Variants in HMCES observed in about 807,000 individuals in gnomAD.
HMCES encodes the protein 5-hydroxymethylcytosine binding, ES cell specific, also known as abasic site processing protein HMCES.
Under a neutral mutation model 35.1 loss-of-function variants are expected in HMCES, and 27 were observed. That is an observed-to-expected ratio of 0.77 (90% CI 0.57 to 1.06). The LOEUF (loss-of-function observed/expected upper bound fraction) is 1.06. Among genes scored for constraint, HMCES ranks in the 50% least tolerant of loss-of-function variants. HMCES has a pLI of 0.00. For synonymous variants in HMCES, 130 were observed against 154.7 expected (o/e 0.84, Z 1.18); for missense variants, 391 against 430.4 (o/e 0.91, Z 0.81).
chr3:129,290,779 A>G lies in HMCES; in HGVS notation c.428A>G (p.Tyr143Cys), dbSNP rs142370950. 350 of 1,613,218 alleles carry G rather than the reference A, an allele frequency of 2.2e-4. No individual in the cohort carries two copies. Among genetic ancestry groups the G allele is most frequent in the Non-Finnish European group, 2.6e-4 (311 of 1,179,446 alleles). ...AACCAGAGGCAGCCATACTTCATCT[A>G]TTTTCCTCAAATCAAGACAGAGAAG... The part of the protein sequence containing the change: ...GTNQRQPYFI[Y>C]FPQIKTEKSG... Residue 143 changes from tyrosine to cysteine, a missense_variant, in exon 4 of 7, where the codon TAT (tyrosine) becomes TGT (cysteine). Tyr to Cys is a radical substitution (Grantham distance 194). Coordinates refer to ENST00000383463, the MANE Select transcript of HMCES (RefSeq NM_020187.3).
chr3:129,298,464 A>T lies in HMCES; in HGVS notation c.564A>T (p.Gly188=), dbSNP rs146116326. The change falls in exon 5 of 7, where the codon GGA becomes GGT. Residue 188 remains glycine (G), a synonymous_variant. Transcript: ENST00000383463. ...TTGACTGCTGGGAGCCCCCAGAGGG[A>T]GGAGATGTCCTGTATTCCTATACCA... ...GIFDCWEPPE[G]GDVLYSYTII... is the part of the protein sequence containing the mutation. 2.2e-5 allele frequency: 35 copies of T among 1,614,128 alleles called. No homozygotes were observed. The African/African-American group carries it at 4.1e-4, about 19-fold the overall frequency.
intron 4 of HMCES, among the ~76,000 whole-genome samples, 156 bp downstream of exon 4, chr3:129,290,960 T>C (rs1406087893): frequency 6.6e-6 from 1 of 152,146 alleles, no homozygotes; most frequent in Non-Finnish European, 1.5e-5. Context: ...CCCAGCACTT[T>C]GGGAGCCCAA....
chr3:129,296,062 G>GT (rs879304601), intron 4 of HMCES, among the ~76,000 whole-genome samples: 28 of 150,728 alleles, frequency 1.9e-4, no homozygotes, highest in South Asian at 6.3e-4. Flanking sequence ...TTCACTGACC[G>GT]TTTTTTTTCT....
rs757258735 is a variant in HMCES, at chr3:129,288,948, A to G, written c.278A>G (p.Asn93Ser). Residue 93 changes from asparagine to serine, a missense_variant, in exon 3 of 7, where the codon AAT (asparagine) becomes AGT (serine). Physicochemically the swap from Asn to Ser is conservative, Grantham distance 46. Transcript: ENST00000383463. ...AGTGATCCTTCCAAGCTGCAGTTCA[A>G]TACTACCAACTGTCGTAGTGATACC... ...KESDPSKLQFNTTNCRSDTVM... is the reference protein window; with the variant it reads ...KESDPSKLQFSTTNCRSDTVM... The G allele has an allele frequency of 4.4e-6, 7 of 1,601,538 alleles. No individual in the cohort carries two copies. Among genetic ancestry groups the G allele is most frequent in the South Asian group, 3.3e-5 (3 of 90,152 alleles).
intron 4 of HMCES, among the ~76,000 whole-genome samples, chr3:129,298,052 A>G (rs950028325): frequency 6.6e-6 from 1 of 152,176 alleles, no homozygotes; most frequent in African/African-American, 2.4e-5. Flanking sequence ...TCATTTACCA[A>G]CAGCTGGTTT....
rs939402302 is a variant in HMCES, at chr3:129,305,592, G to A, written c.*767G>A. 2 of 152,128 alleles carry A rather than the reference G, an allele frequency of 1.3e-5. No individual in the cohort carries two copies. Among genetic ancestry groups the A allele is most frequent in the East Asian group, 3.9e-4 (2 of 5,190 alleles). 9.4% of individuals were successfully genotyped at this position (152,128 alleles called of 1,614,324 possible). On this transcript the variant is annotated 3_prime_UTR_variant, in exon 7 of 7. Transcript: ENST00000383463. ...GAAAGGACCAGTTTCTAGCAGTGTCGGGCCACTCCTCTTTCGAACATCCCT... is the reference window on the plus strand; with the variant it reads ...GAAAGGACCAGTTTCTAGCAGTGTCAGGCCACTCCTCTTTCGAACATCCCT...
At chr3:129,293,402 T>A (rs1576987185) in intron 4 of HMCES, among the ~76,000 whole-genome samples, 1 of 151,940 alleles carries the variant, frequency 6.6e-6, no homozygotes, top group Non-Finnish European at 1.5e-5. Flanking sequence ...AAAAGAAAAT[T>A]CCCAGTCTAG....
chr3:129,302,830 T>C (rs1237996540), intron 6 of HMCES, among the ~76,000 whole-genome samples: 1 of 151,418 alleles, frequency 6.6e-6, no homozygotes, highest in East Asian at 1.9e-4. Flanking sequence ...CTGGGCAATA[T>C]AGTGAGACCC....
chr3:129,293,253 G>A (rs1178751283), intron 4 of HMCES, among the ~76,000 whole-genome samples: 4 of 152,122 alleles, frequency 2.6e-5, no homozygotes, highest in Admixed American at 2.6e-4. Flanking sequence ...CAGTAGTCAA[G>A]AGAGTTTGCC....
In HMCES at chr3:129,279,972, ATTTGG is replaced by A. The variant is rs767653267; in HGVS notation, c.183+64_183+68del. ...CCCAGCCTCGTGATGGTCATCTCCT[ATTTGG>A]TTTGGTGTGTGCTCAGCCTCTTGGG... On this transcript the variant is annotated intron_variant, in intron 2 of 6. Transcript: ENST00000383463. This position sits in a 1 kb window ranked among gnomAD's most constrained non-coding sequence, Gnocchi z 4.2. 7.5e-5 allele frequency: 108 copies of A among 1,444,050 alleles called. No homozygotes were observed. Among genetic ancestry groups the A allele is most frequent in the Non-Finnish European group, 9.9e-5 (107 of 1,081,916 alleles). The allele number at this position is 1,444,050 out of a possible 1,614,324, so 89.5% of individuals were successfully genotyped here. A position where few individuals can be genotyped will look rare whatever the true frequency, so the allele number is the denominator to read the frequency against.
At chr3:129,297,349 C>G (rs2107695940) in intron 4 of HMCES, among the ~76,000 whole-genome samples, 1 of 152,174 alleles carries the variant, frequency 6.6e-6, no homozygotes, top group African/African-American at 2.4e-5. Context: ...TCTTTTTCTC[C>G]TTCCCCAGCC....
chr3:129,288,224 A>G (rs957461821), intron 2 of HMCES, among the ~76,000 whole-genome samples: 1 of 152,176 alleles, frequency 6.6e-6, no homozygotes, highest in Non-Finnish European at 1.5e-5. Flanking sequence ...GCAGTGAGCT[A>G]TGATTGTGCC....
intron 5 of HMCES, among the ~76,000 whole-genome samples, chr3:129,300,170 A>ATATC (rs1218403734): frequency 1.1e-5 from 1 of 92,138 alleles, no homozygotes; most frequent in African/African-American, 9.4e-5. Context: ...GCATCTTTAT[A>ATATC]TATATATATA....
intron 6 of HMCES, among the ~76,000 whole-genome samples, chr3:129,303,313 T>C (rs887000920): frequency 2.0e-5 from 3 of 152,202 alleles, no homozygotes; most frequent in African/African-American, 7.2e-5. Flanking sequence ...AATGCCGTGT[T>C]AAGGATGATT....
At chr3:129,299,265 T>A (rs2071131384) in intron 5 of HMCES, among the ~76,000 whole-genome samples, 2 of 152,258 alleles carry the variant, frequency 1.3e-5, no homozygotes, top group African/African-American at 4.8e-5. Flanking sequence ...TCATGAGTTA[T>A]TGTGAAGTTG....
chr3:129,296,834 G>A (rs761152157), intron 4 of HMCES, among the ~76,000 whole-genome samples: 2 of 151,998 alleles, frequency 1.3e-5, no homozygotes, highest in African/African-American at 4.8e-5. Context: ...GTGCGATCTC[G>A]GCTCACTGCA....
chr3:129,280,110 G>C (rs1176770382), intron 2 of HMCES, among the ~76,000 whole-genome samples, 195 bp downstream of exon 2: 1 of 152,106 alleles, frequency 6.6e-6, no homozygotes, highest in Non-Finnish European at 1.5e-5. Context: ...TGATAAAGAC[G>C]TATTTTTCAG....
chr3:129,283,191 G>A (rs1940545225), intron 2 of HMCES, among the ~76,000 whole-genome samples: 1 of 152,114 alleles, frequency 6.6e-6, no homozygotes, highest in Non-Finnish European at 1.5e-5. Context: ...GGGTGTGTCA[G>A]AATTGTCCCG....
At position 129,290,718 on chromosome 3, in the gene HMCES, G is replaced by C; in HGVS notation, c.367G>C (p.Asp123His). The C allele has an allele frequency of 6.2e-7, 1 of 1,613,684 alleles. No individual in the cohort carries two copies. The highest frequency in any genetic ancestry group is 8.5e-7 in the Non-Finnish European group (1 of 1,179,688). ...GKGRRCVVLA[D>H]GFYEWQRCQG... is the part of the protein sequence containing the mutation. ...GGGAAGACGCTGTGTCGTTTTAGCA[G>C]ATGGATTCTATGAGTGGCAGCGATG... Residue 123 changes from aspartate (D) to histidine (H), a missense_variant, in exon 4 of 7, where the codon GAT (aspartate) becomes CAT (histidine). By Grantham distance (81) the Asp-to-His change is moderately conservative. Coordinates refer to ENST00000383463, the MANE Select transcript of HMCES (RefSeq NM_020187.3).
Sources: allele counts gnomAD v4.1 joint callset (sites outside exome capture counted in the v4.1 genomes callset), GRCh38; gene constraint gnomAD v4.1.1; non-coding constraint Gnocchi (gnomAD v3.1); transcripts MANE v1.5; gene names NCBI Gene and HGNC (gene_info 2026-07-23, HGNC 2026-07-21).